The following PTPRD variants were observed in gnomAD, a reference collection of about 807,000 sequenced individuals.
The protein encoded by PTPRD is receptor-type tyrosine-protein phosphatase delta.
PTPRD carries 34 observed loss-of-function variants against 214.5 expected under a neutral mutation model. The observed-to-expected ratio is 0.16, with a 90% CI of 0.12 to 0.21. PTPRD has a LOEUF of 0.21. Ranked by LOEUF, PTPRD falls within the 10% of genes least tolerant of loss-of-function variation. The pLI, the probability that PTPRD is intolerant of heterozygous loss-of-function variation, is 1.00. For synonymous variants in PTPRD, 1,128 were observed against 845.7 expected (o/e 1.33, Z -5.79); for missense variants, 2,545 against 2,398.7 (o/e 1.06, Z -1.27).
At chr9:10,209,861 T>C (rs987535453) in intron 3 of PTPRD, among the ~76,000 whole-genome samples, 4 of 152,168 alleles carry the variant, frequency 2.6e-5, no homozygotes, top group East Asian at 3.9e-4. Flanking sequence ...ATTCCTTCCA[T>C]ATATGAGAAC....
Position 10,510,449 on chromosome 9 carries a change from A to G in PTPRD, c.-600+101949T>C, listed in dbSNP as rs577193622. Among the ~76,000 whole-genome samples, 20 of 152,284 alleles carry G rather than the reference A, an allele frequency of 1.3e-4. No homozygotes were observed. In the South Asian group the frequency reaches 4.1e-3, roughly 32 times the overall value. ...GTGTTATACCTTCCTAAAAGATCCAATGATGTGTTTTCTTACCTAGTGTTT... is the reference window on the plus strand; with the variant it reads ...GTGTTATACCTTCCTAAAAGATCCAGTGATGTGTTTTCTTACCTAGTGTTT... On this transcript the variant is annotated intron_variant, in intron 2 of 45. Transcript: ENST00000381196.
At chr9:10,041,642 A>G (rs2154142866) in intron 3 of PTPRD, among the ~76,000 whole-genome samples, 1 of 152,046 alleles carries the variant, frequency 6.6e-6, no homozygotes, top group South Asian at 2.1e-4. Context: ...AACATAAAAA[A>G]TCTCATCAGT....
chr9:9,499,273 T>A (rs2096315291), intron 8 of PTPRD, among the ~76,000 whole-genome samples: 1 of 152,102 alleles, frequency 6.6e-6, no homozygotes, highest in Non-Finnish European at 1.5e-5. Context: ...AAACAACTTC[T>A]GAAAAATTGA....
intron 39 of PTPRD, among the ~76,000 whole-genome samples, chr9:8,360,183 T>A (rs918003439): frequency 6.6e-6 from 1 of 152,238 alleles, no homozygotes; most frequent in African/African-American, 2.4e-5. Flanking sequence ...AAAAGTAATT[T>A]GTGTCCCGTC....
chr9:9,009,076 T>C (rs2099496345), intron 11 of PTPRD, among the ~76,000 whole-genome samples: 1 of 152,146 alleles, frequency 6.6e-6, no homozygotes, highest in Non-Finnish European at 1.5e-5. Flanking sequence ...CAGGCTAATG[T>C]ATGTATAAAA....
chr9:8,921,639 G>T lies in PTPRD; in HGVS notation c.-104+97058C>A, dbSNP rs562015218. Among the ~76,000 whole-genome samples the T allele has an allele frequency of 1.5e-4, 23 of 152,072 alleles. No homozygotes were observed. In the South Asian group the frequency reaches 4.6e-3, roughly 30 times the overall value. ...CTCCTGAGTAGCTGGGATTACAGGT[G>T]TGTGCCACCACACTCAGCTAATTTT... On this transcript the variant is annotated intron_variant, in intron 11 of 45. Coordinates refer to ENST00000381196, the MANE Select transcript of PTPRD (RefSeq NM_002839.4).
chr9:9,097,982 G>C (rs1461863633), intron 10 of PTPRD, among the ~76,000 whole-genome samples: 1 of 152,068 alleles, frequency 6.6e-6, no homozygotes, highest in Non-Finnish European at 1.5e-5. Context: ...CTGGAATTGG[G>C]ATGTGATAAC....
chr9:9,748,951 T>A (rs1298279123), intron 6 of PTPRD, among the ~76,000 whole-genome samples: 3 of 152,208 alleles, frequency 2.0e-5, no homozygotes, highest in Non-Finnish European at 4.4e-5. Context: ...GGTGATAATT[T>A]GAGGTGGGAA....
At chr9:10,186,053 G>C (rs1041214728) in intron 3 of PTPRD, among the ~76,000 whole-genome samples, 1 of 151,696 alleles carries the variant, frequency 6.6e-6, no homozygotes, top group African/African-American at 2.4e-5. Context: ...AACATGCACA[G>C]TGGTAGAAGA....
intron 11 of PTPRD, among the ~76,000 whole-genome samples, chr9:8,879,679 A>G (rs1425131569): frequency 6.6e-6 from 1 of 152,222 alleles, no homozygotes; most frequent in African/African-American, 2.4e-5. Flanking sequence ...GATTTGAAAC[A>G]GAATCCTGGA....
At chr9:9,347,990 G>C (rs1312217565) in intron 9 of PTPRD, among the ~76,000 whole-genome samples, 1 of 152,122 alleles carries the variant, frequency 6.6e-6, no homozygotes, top group Non-Finnish European at 1.5e-5. Context: ...AAATCAGAGA[G>C]TATGTCACCA....
chr9:10,033,024 G>A (rs2097111368), intron 4 of PTPRD, among the ~76,000 whole-genome samples: 1 of 151,732 alleles, frequency 6.6e-6, no homozygotes, highest in African/African-American at 2.4e-5. Flanking sequence ...CATGAATTGG[G>A]AAAGTTGAAA....
chr9:9,920,825 A>G (rs538278518), intron 5 of PTPRD, among the ~76,000 whole-genome samples: 1 of 152,254 alleles, frequency 6.6e-6, no homozygotes, highest in African/African-American at 2.4e-5. Context: ...AGAGAAGTGA[A>G]TAGAAATTTT....
intron 5 of PTPRD, among the ~76,000 whole-genome samples, chr9:9,897,811 T>C (rs1257356953): frequency 6.6e-6 from 1 of 152,108 alleles, no homozygotes; most frequent in Non-Finnish European, 1.5e-5. Context: ...CACTTAACTG[T>C]TTTTCTGACT....
chr9:8,896,122 A>C (rs896875814), intron 11 of PTPRD, among the ~76,000 whole-genome samples: 23 of 152,216 alleles, frequency 1.5e-4, no homozygotes, highest in Non-Finnish European at 4.4e-5. Context: ...TACTACTGTG[A>C]GCAGTAGTGA....
chr9:9,652,249 TTC>T (rs945820069), intron 7 of PTPRD, among the ~76,000 whole-genome samples: 2 of 152,110 alleles, frequency 1.3e-5, no homozygotes, highest in African/African-American at 2.4e-5. Flanking sequence ...ATGCCTTTTG[TTC>T]TCTCTCTCTA....
At chr9:8,753,548 G>A (rs922560672) in intron 11 of PTPRD, among the ~76,000 whole-genome samples, 1 of 151,800 alleles carries the variant, frequency 6.6e-6, no homozygotes, top group Non-Finnish European at 1.5e-5. Flanking sequence ...TCCTTAAACA[G>A]GAGCTAGTCA....
chr9:10,489,788 A>G (rs1177726115), intron 2 of PTPRD, among the ~76,000 whole-genome samples: 2 of 152,102 alleles, frequency 1.3e-5, no homozygotes, highest in Non-Finnish European at 2.9e-5. Flanking sequence ...ATAGGGCAGC[A>G]CTGAGTTCAA....
At chr9:10,584,481 TAG>T (rs1360201414) in intron 2 of PTPRD, among the ~76,000 whole-genome samples, 1 of 152,196 alleles carries the variant, frequency 6.6e-6, no homozygotes, top group Non-Finnish European at 1.5e-5. Context: ...GATCACTCAG[TAG>T]AGTCTACTGT....
Sources: gnomAD v4.1 joint callset for allele counts (sites outside exome capture counted in the v4.1 genomes callset) on GRCh38, gnomAD v4.1.1 for gene constraint, MANE v1.5 for transcripts, NCBI Gene and HGNC (gene_info 2026-07-23, HGNC 2026-07-21) for gene names.